ARHGAP26: variants seen among roughly 807,000 people sequenced by gnomAD.
ARHGAP26 encodes rho GTPase-activating protein 26.
Under a neutral mutation model 104.8 loss-of-function variants are expected in ARHGAP26, and 38 were observed. That is an observed-to-expected ratio of 0.36 (90% confidence interval 0.28 to 0.48). The LOEUF (loss-of-function observed/expected upper bound fraction) is 0.48, where lower values mean the gene tolerates loss of function less well. Among genes scored for constraint, ARHGAP26 ranks in the 20% least tolerant of loss-of-function variants. ARHGAP26 has a pLI of 0.99. For missense variants in ARHGAP26, 704 were observed against 947.9 expected (o/e 0.74, Z 3.38); for synonymous variants, 341 against 340.0 (o/e 1.00, Z -0.03).
At position 142,974,378 on chromosome 5, in the gene ARHGAP26, A is replaced by G. The variant is rs371827401; in HGVS notation, c.1108-39702A>G. Reference sequence around the variant, plus strand: ...GTTCTGACAGCTAAACCCTGGCAGGATGATGCCTACAGGCTCCTAATATGG... The same window carrying G: ...GTTCTGACAGCTAAACCCTGGCAGGGTGATGCCTACAGGCTCCTAATATGG... On this transcript the variant is annotated intron_variant, in intron 11 of 22. Transcript: ENST00000645722. Among the ~76,000 whole-genome samples the G allele has an allele frequency of 3.3e-3, 504 of 152,240 alleles. 4 individuals carry two copies. In the South Asian group the frequency reaches 0.036, roughly 11 times the overall value.
chr5:143,079,581 A>G (rs1789518973), intron 17 of ARHGAP26, among the ~76,000 whole-genome samples: 1 of 152,202 alleles, frequency 6.6e-6, no homozygotes, highest in African/African-American at 2.4e-5. Flanking sequence ...TGTCGGCCCC[A>G]TACAAACCCT....
intron 1 of ARHGAP26, among the ~76,000 whole-genome samples, chr5:142,780,459 C>A (rs970902106): frequency 3.3e-5 from 5 of 152,134 alleles, no homozygotes; most frequent in Non-Finnish European, 7.4e-5. Flanking sequence ...TTTGATAAAC[C>A]ATGATTTTAG....
At chr5:143,101,208 G>C (rs1391651655) in intron 17 of ARHGAP26, among the ~76,000 whole-genome samples, 2 of 152,350 alleles carry the variant, frequency 1.3e-5, no homozygotes, top group African/African-American at 4.8e-5. Flanking sequence ...CATTGCAAGA[G>C]AGTTAGGAAG....
Position 142,991,316 on chromosome 5 carries a change from G to A in ARHGAP26, c.1108-22764G>A, listed in dbSNP as rs542294998. Among the ~76,000 whole-genome samples the A allele has an allele frequency of 7.9e-5, 12 of 152,310 alleles. No homozygotes were observed. In the South Asian group the frequency reaches 1.2e-3, roughly 16 times the overall value. On this transcript the variant is annotated intron_variant, in intron 11 of 22. Transcript: ENST00000645722. ...CGTTTGCTAAGACCTTTGGAAAAGCGCAGTATTAGGGTGGGAGTGTCTCGA... is the reference window on the plus strand; with the variant it reads ...CGTTTGCTAAGACCTTTGGAAAAGCACAGTATTAGGGTGGGAGTGTCTCGA...
intron 12 of ARHGAP26, among the ~76,000 whole-genome samples, chr5:143,023,847 C>T (rs1378125959): frequency 6.6e-6 from 1 of 152,234 alleles, no homozygotes; most frequent in Non-Finnish European, 1.5e-5. Flanking sequence ...CTCTGCCTCC[C>T]TCCCTTGCCT....
intron 1 of ARHGAP26, among the ~76,000 whole-genome samples, chr5:142,844,279 G>C (rs1771451543): frequency 6.6e-6 from 1 of 151,902 alleles, no homozygotes; most frequent in Non-Finnish European, 1.5e-5. Flanking sequence ...TCAAACTCCT[G>C]ACCTCAGGTG....
At chr5:142,775,412 G>C (rs1756109202) in intron 1 of ARHGAP26, among the ~76,000 whole-genome samples, 1 of 152,058 alleles carries the variant, frequency 6.6e-6, no homozygotes, top group Non-Finnish European at 1.5e-5. Context: ...TCTTTGGTGA[G>C]GGGTCTTCAG....
At chr5:142,961,583 GA>G (rs1303340646) in intron 11 of ARHGAP26, among the ~76,000 whole-genome samples, 4 of 152,162 alleles carry the variant, frequency 2.6e-5, no homozygotes, top group Non-Finnish European at 5.9e-5. Context: ...CAGTTTAAGG[GA>G]AATATCAGCC....
intron 20 of ARHGAP26, among the ~76,000 whole-genome samples, chr5:143,157,072 G>A (rs1275367294): frequency 1.3e-5 from 2 of 152,168 alleles, no homozygotes; most frequent in Non-Finnish European, 2.9e-5. Context: ...GATGAGCATC[G>A]GCGTGGACAG....
At chr5:143,018,287 C>A (rs1309190576) in intron 12 of ARHGAP26, among the ~76,000 whole-genome samples, 1 of 152,182 alleles carries the variant, frequency 6.6e-6, no homozygotes, top group African/African-American at 2.4e-5. Context: ...CTCATCTTGT[C>A]ATCTGTCTGT....
chr5:142,838,086 C>G (rs1012222482), intron 1 of ARHGAP26, among the ~76,000 whole-genome samples: 3 of 151,914 alleles, frequency 2.0e-5, no homozygotes, highest in African/African-American at 7.3e-5. Context: ...TGGTGAAACC[C>G]CGTCTACTAA....
intron 11 of ARHGAP26, among the ~76,000 whole-genome samples, chr5:142,962,142 C>T (rs1416806343): frequency 2.6e-5 from 4 of 152,188 alleles, no homozygotes; most frequent in Admixed American, 1.3e-4. Flanking sequence ...TAAAACTCTA[C>T]GCCTGTCTTC....
chr5:142,927,473 T>G (rs1053629705), intron 10 of ARHGAP26, among the ~76,000 whole-genome samples: 3 of 152,246 alleles, frequency 2.0e-5, no homozygotes, highest in Non-Finnish European at 4.4e-5. Context: ...TCTCTGAGAT[T>G]CATTCGTGTT....
At chr5:143,091,528 A>G (rs1430386210) in intron 17 of ARHGAP26, among the ~76,000 whole-genome samples, 1 of 152,216 alleles carries the variant, frequency 6.6e-6, no homozygotes, top group Non-Finnish European at 1.5e-5. Context: ...TTTCTAGACC[A>G]AAGAAAGCCA....
At chr5:142,887,398 T>A (rs536141799) in intron 5 of ARHGAP26, among the ~76,000 whole-genome samples, 1 of 152,236 alleles carries the variant, frequency 6.6e-6, no homozygotes, top group African/African-American at 2.4e-5. Flanking sequence ...GTCCTACTTA[T>A]GTTATACATG....
intron 20 of ARHGAP26, among the ~76,000 whole-genome samples, chr5:143,154,214 G>A (rs558430284): frequency 6.6e-6 from 1 of 151,552 alleles, no homozygotes; most frequent in East Asian, 1.9e-4. Context: ...AGTGGAGACA[G>A]GAGATAAATC....
intron 3 of ARHGAP26, among the ~76,000 whole-genome samples, chr5:142,878,974 G>T (rs373912684): frequency 1.3e-5 from 2 of 152,246 alleles, no homozygotes; most frequent in South Asian, 4.2e-4. Context: ...TTGTTTATTT[G>T]TTTTTAACCT....
chr5:142,971,333 G>A (rs1772242322), intron 11 of ARHGAP26, among the ~76,000 whole-genome samples: 1 of 152,148 alleles, frequency 6.6e-6, no homozygotes, highest in Non-Finnish European at 1.5e-5. Context: ...TGAAATTGCA[G>A]GAGAAGGAAA....
chr5:143,184,330 TA>T (rs2151208451), intron 20 of ARHGAP26, among the ~76,000 whole-genome samples: 1 of 152,282 alleles, frequency 6.6e-6, no homozygotes, highest in African/African-American at 2.4e-5. Flanking sequence ...TATTATTGCT[TA>T]TCCTTTTGTC....
Sources: gnomAD v4.1 joint callset for allele counts (sites outside exome capture counted in the v4.1 genomes callset) on GRCh38, gnomAD v4.1.1 for gene constraint, MANE v1.5 for transcripts, NCBI Gene and HGNC (gene_info 2026-07-23, HGNC 2026-07-21) for gene names.